Variants in SORBS2 observed in about 807,000 individuals in gnomAD.
SORBS2 encodes the protein sorbin and SH3 domain-containing protein 2.
A neutral mutation model predicts 97.7 loss-of-function variants in SORBS2; 46 were observed. The ratio of observed to expected loss-of-function variants is 0.47; its 90% CI spans 0.37 to 0.60. SORBS2 has a LOEUF of 0.60. SORBS2 is among the 20% of genes least tolerant of loss of function. The probability of loss-of-function intolerance (pLI) is 0.00; values close to 1 mark genes in which losing one functional copy is unlikely to be tolerated. For synonymous variants in SORBS2, 476 were observed against 473.4 expected (o/e 1.01, Z -0.07); for missense variants, 1,316 against 1,282.3 (o/e 1.03, Z -0.40).
chr4:185,605,932 A>T, intron 12 of SORBS2: 1 of 237,938 alleles, frequency 4.2e-6, no homozygotes, highest in Non-Finnish European at 6.8e-6. Flanking sequence ...TTTGTTGATT[A>T]AAACCACTGT....
At chr4:185,851,192 G>A (rs1028727153) in intron 1 of SORBS2, among the ~76,000 whole-genome samples, 2 of 152,176 alleles carry the variant, frequency 1.3e-5, no homozygotes, top group African/African-American at 4.8e-5. Context: ...TTAGAGTGGA[G>A]AAGATGAGTA....
intron 4 of SORBS2, among the ~76,000 whole-genome samples, chr4:185,643,272 T>C (rs909488539): frequency 2.6e-5 from 4 of 152,150 alleles, no homozygotes; most frequent in Non-Finnish European, 5.9e-5. Flanking sequence ...GGGAGAGCTT[T>C]TCCTGGTGGG....
rs2096432577 is a variant in SORBS2, at chr4:185,606,777, C to T, written c.2796+5003G>A. On this transcript the variant is annotated intron_variant, in intron 12 of 14. Transcript: ENST00000418609. The surrounding 1 kb of genome is among the most constrained non-coding windows in gnomAD (Gnocchi z 4.3). ...CTTCCTGAGGTTCTGGCGGCCCTCT[C>T]TGGATGCCTGACACAATCCCCTCAT... 1.0e-6 allele frequency: 1 copy of T among 985,254 alleles called. No homozygotes were observed. Among genetic ancestry groups the T allele is most frequent in the African/African-American group, 1.7e-5 (1 of 57,208 alleles). The allele number at this position is 985,254 out of a possible 1,614,324, so 61.0% of individuals were successfully genotyped here. A position where few individuals can be genotyped will look rare whatever the true frequency, so the allele number is the denominator to read the frequency against.
chr4:185,800,342 T>A (rs919946650), intron 1 of SORBS2, among the ~76,000 whole-genome samples: 2 of 152,222 alleles, frequency 1.3e-5, no homozygotes, highest in Non-Finnish European at 2.9e-5. Flanking sequence ...TAATTTTAAA[T>A]GAGTCTTTGA....
intron 1 of SORBS2, among the ~76,000 whole-genome samples, chr4:185,838,345 G>A (rs12511080): frequency 1.3e-5 from 2 of 152,204 alleles, no homozygotes; most frequent in African/African-American, 2.4e-5. Flanking sequence ...AGCTCCCCTG[G>A]GGGCTTGGGC....
intron 1 of SORBS2, among the ~76,000 whole-genome samples, chr4:185,810,537 A>G (rs979768605): frequency 1.3e-5 from 2 of 152,208 alleles, no homozygotes; most frequent in African/African-American, 4.8e-5. Context: ...AAACATTTTT[A>G]TTAAATATTT....
At position 185,597,171 on chromosome 4, in the gene SORBS2, A is replaced by G. The variant is rs527298951; in HGVS notation, c.2797-3236T>C. ...AATGAGTAGCAAGAACAGTTATCTA[A>G]GACGGCTCATCTGCGTCTTTCTGTT... On this transcript the variant is annotated intron_variant, in intron 12 of 14. Coordinates refer to ENST00000418609, the Ensembl canonical transcript of SORBS2. 2.7e-4 allele frequency among the ~76,000 whole-genome samples: 41 copies of G among 152,318 alleles called. 1 individual carries two copies. The highest frequency in any genetic ancestry group is 2.3e-3 in the Admixed American group (35 of 15,304).
chr4:185,656,627 T>C, exon 1 of SORBS2: 4 of 1,550,488 alleles, frequency 2.6e-6, no homozygotes, highest in Non-Finnish European at 3.5e-6. Flanking sequence ...GCAAAGGTGT[T>C]GTTGCTTTCA....
intron 1 of SORBS2, among the ~76,000 whole-genome samples, chr4:185,835,442 C>T (rs1268784890): frequency 6.6e-6 from 1 of 152,060 alleles, no homozygotes; most frequent in Non-Finnish European, 1.5e-5. Context: ...GGAATGAAAC[C>T]ATATTATCTC....
intron 1 of SORBS2, among the ~76,000 whole-genome samples, chr4:185,861,491 G>C (rs1165522254): frequency 6.6e-6 from 1 of 152,124 alleles, no homozygotes; most frequent in Non-Finnish European, 1.5e-5. Flanking sequence ...GCTGGAGGAG[G>C]AGAAAGAAGG....
chr4:185,666,914 T>TG (rs2153480164), intron 4 of SORBS2, among the ~76,000 whole-genome samples: 1 of 152,230 alleles, frequency 6.6e-6, no homozygotes, highest in South Asian at 2.1e-4. Context: ...AGAAAGAAAC[T>TG]GAAGGAAAAA....
intron 1 of SORBS2, among the ~76,000 whole-genome samples, chr4:185,824,181 C>A (rs1394480565): frequency 6.6e-6 from 1 of 152,182 alleles, no homozygotes; most frequent in East Asian, 1.9e-4. Flanking sequence ...CAGCCCCATC[C>A]TCTCTCTGAA....
Position 185,603,727 on chromosome 4 carries a change from T to C in SORBS2, c.2796+8053A>G, listed in dbSNP as rs9918021. 8.2e-3 allele frequency among the ~76,000 whole-genome samples: 1,246 copies of C among 152,358 alleles called. 13 individuals are homozygous for C. The highest frequency in any genetic ancestry group is 0.029 in the African/African-American group (1,203 of 41,574). Reference sequence around the variant, plus strand: ...TTTCAGTGATGGACTAATTTCATGCTGTGGTTGTCATTAAATCTCTTTCCA... The same window carrying C: ...TTTCAGTGATGGACTAATTTCATGCCGTGGTTGTCATTAAATCTCTTTCCA... On this transcript the variant is annotated intron_variant, in intron 12 of 14. Coordinates refer to ENST00000418609, the Ensembl canonical transcript of SORBS2.
At chr4:185,698,606 G>A (rs1245400201) in intron 2 of SORBS2, among the ~76,000 whole-genome samples, 1 of 152,220 alleles carries the variant, frequency 6.6e-6, no homozygotes, top group Non-Finnish European at 1.5e-5. Flanking sequence ...TGAATCATAT[G>A]AGGCAGGGGT....
chr4:185,727,995 A>G (rs778774621), intron 2 of SORBS2, among the ~76,000 whole-genome samples: 1 of 152,210 alleles, frequency 6.6e-6, no homozygotes, highest in Non-Finnish European at 1.5e-5. Flanking sequence ...ATACATGGTC[A>G]ATTTCTTATA....
rs77992522 is a variant in SORBS2, at chr4:185,747,624, T to C, written c.-198+27603A>G. ...GCTCCCCACTGTGGCCCTGGACAGATGAGTCAGGCCCATGGTGGTCAGGGC... is the reference window on the plus strand; with the variant it reads ...GCTCCCCACTGTGGCCCTGGACAGACGAGTCAGGCCCATGGTGGTCAGGGC... On this transcript the variant is annotated intron_variant, in intron 2 of 20. Coordinates refer to the SORBS2 transcript ENST00000284776. 5.4e-4 allele frequency among the ~76,000 whole-genome samples: 82 copies of C among 152,260 alleles called. 1 individual carries two copies. The East Asian group carries it at 6.8e-3, about 13-fold the overall frequency.
chr4:185,808,915 A>C (rs547645946), intron 1 of SORBS2, among the ~76,000 whole-genome samples: 77 of 152,352 alleles, frequency 5.1e-4, no homozygotes, highest in Non-Finnish European at 7.9e-4. Flanking sequence ...GGATAGAAAA[A>C]TAGTATTATT....
chr4:185,644,127 C>G (rs1046862700), intron 4 of SORBS2, among the ~76,000 whole-genome samples: 1 of 152,180 alleles, frequency 6.6e-6, no homozygotes, highest in East Asian at 1.9e-4. Flanking sequence ...CAGCTCAAAC[C>G]ATTCTGCTTA....
At chr4:185,861,893 A>G (rs2648122) in intron 1 of SORBS2, among the ~76,000 whole-genome samples, 70,120 of 151,944 alleles carry the variant, frequency 0.46, 16,691 homozygotes, top group African/African-American at 0.54. Flanking sequence ...CACTGCGCCC[A>G]GCCCTGACTT....
Sources: gnomAD v4.1 joint callset for allele counts (sites outside exome capture counted in the v4.1 genomes callset) on GRCh38, gnomAD v4.1.1 for gene constraint, Gnocchi (gnomAD v3.1) non-coding constraint, MANE v1.5 for transcripts, NCBI Gene and HGNC (gene_info 2026-07-23, HGNC 2026-07-21) for gene names.